CDH18: variants seen among roughly 807,000 people sequenced by gnomAD.
CDH18 encodes cadherin-18.
A neutral mutation model predicts 67.9 loss-of-function variants in CDH18; 31 were observed. That is an observed-to-expected ratio of 0.46 (90% CI 0.34 to 0.62). CDH18 has a LOEUF of 0.62. CDH18 is among the 20% of genes least tolerant of loss of function. The pLI, the probability that CDH18 is intolerant of heterozygous loss-of-function variation, is 0.01. For synonymous variants in CDH18, 362 were observed against 347.2 expected, an observed-to-expected ratio of 1.04 and a Z score of -0.48; for missense variants, 890 against 975.5, an observed-to-expected ratio of 0.91 and a Z score of 1.17.
chr5:20,394,248 A>C (rs1423779382), intron 1 of CDH18, among the ~76,000 whole-genome samples: 5 of 151,898 alleles, frequency 3.3e-5, no homozygotes, highest in Middle Eastern at 6.3e-3. Context: ...AATCCCCCCC[A>C]AAAAACAAAT....
intron 6 of CDH18, among the ~76,000 whole-genome samples, chr5:19,594,611 C>A (rs1027313514): frequency 3.9e-5 from 6 of 152,196 alleles, no homozygotes; most frequent in African/African-American, 1.4e-4. Context: ...ATTACTGCAG[C>A]ATTTTAAAAT....
At chr5:20,079,546 C>A (rs1349695136) in intron 2 of CDH18, among the ~76,000 whole-genome samples, 8 of 152,136 alleles carry the variant, frequency 5.3e-5, no homozygotes, top group African/African-American at 1.9e-4. Context: ...CCTTGGCATA[C>A]TGATTGCAAT....
intron 1 of CDH18, among the ~76,000 whole-genome samples, chr5:20,374,690 G>A (rs1359122171): frequency 6.6e-6 from 1 of 152,080 alleles, no homozygotes; most frequent in African/African-American, 2.4e-5. Flanking sequence ...AAACTTCAGG[G>A]AAAGAGGGGA....
chr5:19,718,385 A>G (rs536863445), intron 5 of CDH18, among the ~76,000 whole-genome samples: 2 of 152,110 alleles, frequency 1.3e-5, no homozygotes, highest in South Asian at 4.1e-4. Context: ...AGTGACTACT[A>G]TTTCCATGCT....
At chr5:20,400,202 CTGTAGT>C (rs951743919) in intron 1 of CDH18, among the ~76,000 whole-genome samples, 1 of 152,098 alleles carries the variant, frequency 6.6e-6, no homozygotes, top group Non-Finnish European at 1.5e-5. Flanking sequence ...TATCCTAATC[CTGTAGT>C]TGTCATTTTA....
intron 2 of CDH18, among the ~76,000 whole-genome samples, chr5:19,915,797 T>A (rs1459528897): frequency 6.6e-6 from 1 of 152,072 alleles, no homozygotes; most frequent in East Asian, 1.9e-4. Flanking sequence ...TTTTTCTAAT[T>A]TTCTATTTGT....
chr5:19,810,733 C>T (rs556458310), intron 3 of CDH18, among the ~76,000 whole-genome samples: 2 of 151,962 alleles, frequency 1.3e-5, no homozygotes, highest in African/African-American at 2.4e-5. Context: ...ATGAAAAAAG[C>T]ATATGTTGGC....
At chr5:20,020,288 G>A (rs1738291376) in intron 2 of CDH18, among the ~76,000 whole-genome samples, 1 of 152,186 alleles carries the variant, frequency 6.6e-6, no homozygotes, top group Non-Finnish European at 1.5e-5. Flanking sequence ...ATAGAAAATG[G>A]GTAGAAAAGA....
chr5:19,854,434 T>C (rs1337642680), intron 2 of CDH18, among the ~76,000 whole-genome samples: 1 of 152,172 alleles, frequency 6.6e-6, no homozygotes, highest in Non-Finnish European at 1.5e-5. Flanking sequence ...TGCTAAAATA[T>C]ATAATTTCAG....
intron 4 of CDH18, among the ~76,000 whole-genome samples, chr5:19,728,095 A>G (rs1767099232): frequency 6.6e-6 from 1 of 152,152 alleles, no homozygotes; most frequent in African/African-American, 2.4e-5. Flanking sequence ...TATATTGTCT[A>G]AAATTCCATT....
intron 2 of CDH18, among the ~76,000 whole-genome samples, chr5:20,028,591 C>A (rs978300209): frequency 6.6e-6 from 1 of 152,070 alleles, no homozygotes; most frequent in Non-Finnish European, 1.5e-5. Context: ...TATTCCAAGA[C>A]CCCCAATGGA....
intron 5 of CDH18, among the ~76,000 whole-genome samples, chr5:19,666,586 T>A (rs770144001): frequency 6.6e-6 from 1 of 151,952 alleles, no homozygotes; most frequent in Non-Finnish European, 1.5e-5. Flanking sequence ...CAGGTTGAAC[T>A]TGTGGTATAG....
chr5:19,967,532 T>C (rs1797578092), intron 2 of CDH18, among the ~76,000 whole-genome samples: 1 of 152,110 alleles, frequency 6.6e-6, no homozygotes, highest in Non-Finnish European at 1.5e-5. Context: ...AACTTTAATG[T>C]TACTAAGCTT....
At chr5:20,133,783 G>GT (rs1749469487) in intron 2 of CDH18, among the ~76,000 whole-genome samples, 1 of 151,982 alleles carries the variant, frequency 6.6e-6, no homozygotes, top group Non-Finnish European at 1.5e-5. Context: ...GATTTGTGTT[G>GT]TTTTTTGATA....
intron 3 of CDH18, among the ~76,000 whole-genome samples, chr5:19,828,365 T>C (rs1432752712): frequency 7.1e-6 from 1 of 140,394 alleles, no homozygotes; most frequent in East Asian, 1.9e-4. Context: ...TAACTCAGTC[T>C]ACAAGGCCAG....
At chr5:19,769,733 A>G (rs1773513096) in intron 3 of CDH18, among the ~76,000 whole-genome samples, 1 of 152,070 alleles carries the variant, frequency 6.6e-6, no homozygotes, top group African/African-American at 2.4e-5. Flanking sequence ...TGGACAAATA[A>G]AAATATAGAT....
At chr5:19,532,728 C>T (rs371932699) in intron 9 of CDH18, among the ~76,000 whole-genome samples, 9 of 152,186 alleles carry the variant, frequency 5.9e-5, no homozygotes, top group African/African-American at 1.9e-4. Flanking sequence ...GAAAGTTGTT[C>T]GAACTGCGGT....
intron 7 of CDH18, among the ~76,000 whole-genome samples, chr5:19,588,766 C>A (rs1005700349): frequency 6.6e-6 from 1 of 151,908 alleles, no homozygotes; most frequent in East Asian, 1.9e-4. Context: ...TCTGACAGAA[C>A]AGACTTTAAG....
chr5:19,920,914 C>CACACACACAT (rs1792367840), intron 2 of CDH18, among the ~76,000 whole-genome samples: 1 of 151,698 alleles, frequency 6.6e-6, no homozygotes, highest in Admixed American at 6.6e-5. Context: ...CACACACACA[C>CACACACACAT]ACACACATCA....
Sources: allele counts gnomAD v4.1 joint callset (sites outside exome capture counted in the v4.1 genomes callset), GRCh38; gene constraint gnomAD v4.1.1; transcripts MANE v1.5; gene names NCBI Gene and HGNC (gene_info 2026-07-23, HGNC 2026-07-21).